DBX2: variants seen among roughly 807,000 people sequenced by gnomAD.
DBX2 encodes developing brain homeobox 2.
In DBX2, 16 loss-of-function variants were observed where a neutral mutation model predicts 17.7. That is an observed-to-expected ratio of 0.90 (90% CI 0.61 to 1.37). DBX2 has a LOEUF of 1.37. Ranked by LOEUF, DBX2 falls within the 40% of genes most tolerant of loss-of-function variation. The pLI is 0.00. For missense variants in DBX2, 538 were observed against 433.8 expected, an observed-to-expected ratio of 1.24 and a Z score of -2.13; for synonymous variants, 255 against 183.8, an observed-to-expected ratio of 1.39 and a Z score of -3.13.
Position 45,023,841 on chromosome 12 carries a change from T to G in DBX2, c.553A>C (p.Arg185=). The change falls in exon 3 of 4, where the codon AGG becomes CGG. Residue 185 remains arginine (R), a synonymous_variant. Coordinates refer to ENST00000332700, the MANE Select transcript of DBX2 (RefSeq NM_001004329.3). Reference sequence around the variant, plus strand: ...AAGACAGCTCTTCTTAAAATGCCCCTCCGAGCTTTGGAATTAGAGTCCTGT... The same window carrying G: ...AAGACAGCTCTTCTTAAAATGCCCCGCCGAGCTTTGGAATTAGAGTCCTGT... ...LTQDSNSKAR[R]GILRRAVFSE... The G allele has an allele frequency of 6.2e-7, 1 of 1,604,980 alleles. No homozygotes were observed. Among genetic ancestry groups the G allele is most frequent in the African/African-American group, 1.3e-5 (1 of 74,506 alleles).
In DBX2 at chr12:45,023,635, C is replaced by A. The variant is rs1014289458; in HGVS notation, c.687+72G>T. On this transcript the variant is annotated intron_variant, in intron 3 of 3. Transcript: ENST00000332700. The stretch of plus-strand genomic sequence containing the variant: ...GAAGCAGTTGCCTACGGCCCACCAC[C>A]CTGAACACAACTGATTTCATCTGAT... 3.2e-6 allele frequency: 5 copies of A among 1,586,552 alleles called. No homozygotes were observed. The African/African-American group carries it at 4.1e-5, about 13-fold the overall frequency.
At chr12:45,034,248 T>C (rs1946423894) in intron 2 of DBX2, among the ~76,000 whole-genome samples, 1 of 152,128 alleles carries the variant, frequency 6.6e-6, no homozygotes, top group Admixed American at 6.6e-5. Context: ...CATATCATGA[T>C]GAAATAACTG....
At position 45,051,094 on chromosome 12, in the gene DBX2, A is replaced by G. The variant is rs1946532075; in HGVS notation, c.-167T>C. ...CCACCCGGGACGGCGGCGGACTTGGAACGATATTATTTATTTGCGTTGGGC... is the reference window on the plus strand; with the variant it reads ...CCACCCGGGACGGCGGCGGACTTGGGACGATATTATTTATTTGCGTTGGGC... On this transcript the variant is annotated 5_prime_UTR_variant, in exon 1 of 4. Coordinates refer to ENST00000332700, the MANE Select transcript of DBX2 (RefSeq NM_001004329.3). The G allele has an allele frequency of 4.1e-6, 3 of 735,404 alleles. No homozygotes were observed. The highest frequency in any genetic ancestry group is 5.7e-6 in the Non-Finnish European group (3 of 525,826). 45.6% of individuals were successfully genotyped at this position (735,404 alleles called of 1,614,324 possible). A position where few individuals can be genotyped will look rare whatever the true frequency, so the allele number is the denominator to read the frequency against.
At chr12:45,032,682 C>A (rs980700594) in intron 2 of DBX2, among the ~76,000 whole-genome samples, 1 of 152,118 alleles carries the variant, frequency 6.6e-6, no homozygotes, top group Non-Finnish European at 1.5e-5. Flanking sequence ...GTTCATCTCC[C>A]AAAAGGCACA....
At chr12:45,017,920 A>C (rs1946331890) in intron 3 of DBX2, among the ~76,000 whole-genome samples, 1 of 152,224 alleles carries the variant, frequency 6.6e-6, no homozygotes, top group African/African-American at 2.4e-5. Flanking sequence ...ATATCAACCA[A>C]GTATTTCTCT....
At chr12:45,039,324 T>TCA (rs1565585265) in intron 1 of DBX2, among the ~76,000 whole-genome samples, 1 of 117,478 alleles carries the variant, frequency 8.5e-6, no homozygotes, top group East Asian at 2.4e-4. Context: ...TATATATATG[T>TCA]ATCACACTTT....
intron 1 of DBX2, among the ~76,000 whole-genome samples, chr12:45,041,945 G>A (rs1283873783): frequency 1.3e-5 from 2 of 152,268 alleles, no homozygotes; most frequent in Middle Eastern, 3.4e-3. Flanking sequence ...ACTCCCCAAG[G>A]AGATGCAATC....
chr12:45,037,422 C>A (rs1345563701), intron 1 of DBX2, among the ~76,000 whole-genome samples: 2 of 152,120 alleles, frequency 1.3e-5, no homozygotes, highest in Non-Finnish European at 2.9e-5. Context: ...CAGAAAACTT[C>A]CCTGGTCTTA....
Position 45,016,122 on chromosome 12 carries a change from G to T in DBX2, c.*164C>A. On this transcript the variant is annotated 3_prime_UTR_variant, in exon 4 of 4. Transcript: ENST00000332700. Reference sequence around the variant, plus strand: ...ACTTACAAATTAAGCCTGAGTCTAGGGCCAAACAAGAGAACACTAGAGTGG... The same window carrying T: ...ACTTACAAATTAAGCCTGAGTCTAGTGCCAAACAAGAGAACACTAGAGTGG... 3.1e-6 allele frequency: 2 copies of T among 654,844 alleles called. No individual in the cohort carries two copies. The highest frequency in any genetic ancestry group is 2.4e-6 in the Non-Finnish European group (1 of 422,552). The allele number at this position is 654,844 out of a possible 1,614,324, so 40.6% of individuals were successfully genotyped here.
At chr12:45,025,810 T>C (rs1334758450) in intron 2 of DBX2, among the ~76,000 whole-genome samples, 1 of 147,776 alleles carries the variant, frequency 6.8e-6, no homozygotes, top group African/African-American at 2.5e-5. Flanking sequence ...AAATGATGAG[T>C]TCGGAGAAAA....
At chr12:45,030,324 C>T (rs901145989) in intron 2 of DBX2, among the ~76,000 whole-genome samples, 8 of 152,232 alleles carry the variant, frequency 5.3e-5, no homozygotes, top group African/African-American at 1.4e-4. Flanking sequence ...TGTCTATCTA[C>T]ACCACTGCAA....
intron 2 of DBX2, among the ~76,000 whole-genome samples, chr12:45,031,881 CT>C (rs1017088125): frequency 3.3e-5 from 5 of 151,514 alleles, no homozygotes; most frequent in African/African-American, 4.8e-5. Flanking sequence ...CTATTCTTCA[CT>C]TTTTTTTTGG....
intron 2 of DBX2, among the ~76,000 whole-genome samples, chr12:45,028,033 A>G (rs895821564): frequency 1.3e-5 from 2 of 152,224 alleles, no homozygotes; most frequent in African/African-American, 4.8e-5. Context: ...AGCAGCACCT[A>G]GAAGAACAGC....
chr12:45,041,086 A>C (rs1946468672), intron 1 of DBX2, among the ~76,000 whole-genome samples: 1 of 148,990 alleles, frequency 6.7e-6, no homozygotes, highest in Non-Finnish European at 1.5e-5. Flanking sequence ...ATGACAGGGA[A>C]GTAAATAATT....
intron 3 of DBX2, among the ~76,000 whole-genome samples, chr12:45,020,688 T>C (rs1946347220): frequency 6.7e-6 from 1 of 149,614 alleles, no homozygotes; most frequent in Non-Finnish European, 1.5e-5. Flanking sequence ...TATATATATA[T>C]ATACACACAC....
At chr12:45,027,079 T>C (rs1946385365) in intron 2 of DBX2, among the ~76,000 whole-genome samples, 11 of 152,248 alleles carry the variant, frequency 7.2e-5, no homozygotes, top group Admixed American at 7.2e-4. Flanking sequence ...GTTTCTTCTC[T>C]GAACATTCCT....
intron 3 of DBX2, among the ~76,000 whole-genome samples, chr12:45,020,831 A>G (rs1946348115): frequency 6.6e-6 from 1 of 152,062 alleles, no homozygotes; most frequent in African/African-American, 2.4e-5. Context: ...TTGTGTTATT[A>G]TATGTTCATG....
chr12:45,023,679 C>A (rs1313850395), intron 3 of DBX2, 28 bp downstream of exon 3: 1 of 1,613,096 alleles, frequency 6.2e-7, no homozygotes, highest in Admixed American at 1.7e-5. Flanking sequence ...AAATCAGAGG[C>A]AGTAGACATC....
At chr12:45,028,910 T>C (rs188585425) in intron 2 of DBX2, among the ~76,000 whole-genome samples, 4 of 152,320 alleles carry the variant, frequency 2.6e-5, no homozygotes, top group Admixed American at 2.6e-4. Flanking sequence ...TGCAATGCAG[T>C]TCCTACAAGA....
Sources: allele counts gnomAD v4.1 joint callset (sites outside exome capture counted in the v4.1 genomes callset), GRCh38; gene constraint gnomAD v4.1.1; transcripts MANE v1.5; gene names NCBI Gene and HGNC (gene_info 2026-07-23, HGNC 2026-07-21).